Variants in RFX1 observed in about 807,000 individuals in gnomAD.
The protein encoded by RFX1 is MHC class II regulatory factor RFX1.
Under a neutral mutation model 119.6 loss-of-function variants are expected in RFX1, and 42 were observed. That is an observed-to-expected ratio of 0.35 (90% CI 0.27 to 0.45). The LOEUF is 0.45. Ranked by LOEUF, RFX1 falls within the 20% of genes least tolerant of loss-of-function variation. The pLI is 1.00. For synonymous variants in RFX1, 628 were observed against 618.5 expected, an observed-to-expected ratio of 1.02 and a Z score of -0.23; for missense variants, 1,118 against 1,368.1, an observed-to-expected ratio of 0.82 and a Z score of 2.88.
At chr19:13,998,842 C>A (rs1041512406) in intron 1 of RFX1, among the ~76,000 whole-genome samples, 3 of 152,164 alleles carry the variant, frequency 2.0e-5, no homozygotes, top group Admixed American at 6.5e-5. Context: ...GTGGCCCCTC[C>A]CACAAAGAAA....
Position 13,979,548 on chromosome 19 carries a change from A to G in RFX1, c.739-6T>C. ...GTGGCCTGGACCACAGATCTCTGGG[A>G]GGGGAAAGGCAACAATAAGATGACC... is the stretch of plus-strand genomic sequence containing the variant. On this transcript the variant is annotated splice_region_variant and splice_polypyrimidine_tract_variant and intron_variant, in intron 6 of 20. Transcript: ENST00000254325. 1 of 1,578,672 alleles carries G rather than the reference A, an allele frequency of 6.3e-7. No individual in the cohort carries two copies. Among genetic ancestry groups the G allele is most frequent in the Non-Finnish European group, 8.6e-7 (1 of 1,159,798 alleles).
At chr19:14,003,735 G>C (rs1975288769) in intron 1 of RFX1, among the ~76,000 whole-genome samples, 1 of 152,108 alleles carries the variant, frequency 6.6e-6, no homozygotes, top group South Asian at 2.1e-4. Flanking sequence ...GAAAACTTAA[G>C]TAACTCACCT....
intron 1 of RFX1, among the ~76,000 whole-genome samples, chr19:13,997,850 G>A (rs1321235277): frequency 6.6e-6 from 1 of 152,112 alleles, no homozygotes; most frequent in Non-Finnish European, 1.5e-5. Context: ...AGGGACTCGG[G>A]CAGCAGAGAA....
intron 12 of RFX1, among the ~76,000 whole-genome samples, chr19:13,967,432 C>T (rs956608706): frequency 3.9e-5 from 6 of 152,048 alleles, no homozygotes; most frequent in Non-Finnish European, 7.4e-5. Flanking sequence ...CCACCTCGGC[C>T]TCCCAACGTG....
At chr19:13,992,176 C>T (rs1044750405) in intron 2 of RFX1, among the ~76,000 whole-genome samples, 4 of 152,132 alleles carry the variant, frequency 2.6e-5, no homozygotes, top group Non-Finnish European at 5.9e-5. Flanking sequence ...CAGTGGCAGG[C>T]GCCTGTAGTC....
Position 13,990,406 on chromosome 19 carries a change from C to T in RFX1, c.319+3119G>A, listed in dbSNP as rs533202017. 6.6e-5 allele frequency among the ~76,000 whole-genome samples: 10 copies of T among 152,076 alleles called. No homozygotes were observed. In the East Asian group the frequency reaches 1.7e-3, roughly 27 times the overall value. On this transcript the variant is annotated intron_variant, in intron 2 of 20. Coordinates refer to ENST00000254325, the MANE Select transcript of RFX1 (RefSeq NM_002918.5). The surrounding 1 kb of genome is among the most constrained non-coding windows in gnomAD (Gnocchi z 4.1). ...TGGAGAAAATGGGGGCTTGGCTGGGCGCGGTGGCTCACACTTGTAATTCCA... is the reference window on the plus strand; with the variant it reads ...TGGAGAAAATGGGGGCTTGGCTGGGTGCGGTGGCTCACACTTGTAATTCCA...
intron 8 of RFX1, among the ~76,000 whole-genome samples, chr19:13,974,578 C>T (rs1030595602): frequency 2.0e-5 from 3 of 152,042 alleles, no homozygotes; most frequent in Admixed American, 1.3e-4. Context: ...GAGTGGGGAC[C>T]GTGTGACCGA....
At chr19:13,987,127 G>A (rs757325417) in intron 2 of RFX1, among the ~76,000 whole-genome samples, 10 of 152,206 alleles carry the variant, frequency 6.6e-5, no homozygotes, top group Non-Finnish European at 1.3e-4. Flanking sequence ...AAGAAGGGCC[G>A]GACTCGGCCC....
chr19:13,963,095 G>A (rs1973764427), intron 19 of RFX1, 27 bp downstream of exon 19: 1 of 1,608,602 alleles, frequency 6.2e-7, no homozygotes, highest in East Asian at 2.2e-5. Context: ...CGCCCCGCCC[G>A]CGCCCCCAGT....
intron 1 of RFX1, among the ~76,000 whole-genome samples, chr19:14,005,808 C>T (rs902278535): frequency 1.3e-5 from 2 of 151,944 alleles, no homozygotes; most frequent in Non-Finnish European, 2.9e-5. Flanking sequence ...CCCAGCCTCC[C>T]CAGGCCCGCC....
Position 13,980,948 on chromosome 19 carries a change from G to T in RFX1, c.622-259C>A, listed in dbSNP as rs758618884. ...AGGTTGGCTGATGGTGGGTGGTGCCGCCAGCACCCCTGAAGCTCTCCTGGG... is the reference window on the plus strand; with the variant it reads ...AGGTTGGCTGATGGTGGGTGGTGCCTCCAGCACCCCTGAAGCTCTCCTGGG... On this transcript the variant is annotated intron_variant, in intron 5 of 20. Coordinates refer to ENST00000254325, the MANE Select transcript of RFX1 (RefSeq NM_002918.5). This position sits in a 1 kb window ranked among gnomAD's most constrained non-coding sequence, Gnocchi z 5.1. Among the ~76,000 whole-genome samples, 7 of 152,196 alleles carry T rather than the reference G, an allele frequency of 4.6e-5. No individual in the cohort carries two copies. The highest frequency in any genetic ancestry group is 1.0e-4 in the Non-Finnish European group (7 of 68,028).
chr19:13,994,146 C>T (rs577145166), intron 1 of RFX1, among the ~76,000 whole-genome samples: 1 of 152,122 alleles, frequency 6.6e-6, no homozygotes, highest in African/African-American at 2.4e-5. Flanking sequence ...CAAGCCAGGA[C>T]TCCTGCCTTC....
At chr19:13,973,256 A>G (rs1032274943) in intron 8 of RFX1, 129 bp from the exon 9 acceptor site, 24 of 693,864 alleles carry the variant, frequency 3.5e-5, no homozygotes, top group Admixed American at 1.6e-4. Flanking sequence ...AGCAAGGAGC[A>G]GATCCTAGCA....
At chr19:14,004,862 T>C (rs1457661785) in intron 1 of RFX1, among the ~76,000 whole-genome samples, 1 of 152,164 alleles carries the variant, frequency 6.6e-6, no homozygotes, top group African/African-American at 2.4e-5. Flanking sequence ...CTCCCCGAGC[T>C]GGCAGGATAT....
rs73517690 is a variant in RFX1 at position 13,983,643 on chromosome 19, C to T, written c.320-48G>A. ...CAGTTCTTCCTGCTTTCCCTGCCCC[C>T]AGCCTAAGCCTGAGCCCCCCTGGAG... is the stretch of plus-strand genomic sequence containing the variant. On this transcript the variant is annotated intron_variant, in intron 2 of 20. Transcript: ENST00000254325. 443 of 1,471,150 alleles carry T rather than the reference C, an allele frequency of 3.0e-4. No homozygotes were observed. The African/African-American group carries it at 5.3e-3, about 18-fold the overall frequency. The allele number at this position is 1,471,150 out of a possible 1,614,324, so 91.1% of individuals were successfully genotyped here.
Position 13,980,542 on chromosome 19 carries a change from G to A in RFX1, c.738+31C>T, listed in dbSNP as rs1974395308. Reference sequence around the variant, plus strand: ...AGAGGCTGCCTGGCCGGTACCCCTGGACCGAGCCACTGCCCGCCTTGGCCT... The same window carrying A: ...AGAGGCTGCCTGGCCGGTACCCCTGAACCGAGCCACTGCCCGCCTTGGCCT... On this transcript the variant is annotated intron_variant, in intron 6 of 20. Transcript: ENST00000254325. The surrounding 1 kb of genome is among the most constrained non-coding windows in gnomAD (Gnocchi z 5.1). 1 of 1,418,546 alleles carries A rather than the reference G, an allele frequency of 7.0e-7. No individual in the cohort carries two copies. Among genetic ancestry groups the A allele is most frequent in the Non-Finnish European group, 9.6e-7 (1 of 1,038,686 alleles). 87.9% of individuals were successfully genotyped at this position (1,418,546 alleles called of 1,614,324 possible).
chr19:13,987,459 C>T (rs1419602776), intron 2 of RFX1, among the ~76,000 whole-genome samples: 4 of 152,172 alleles, frequency 2.6e-5, no homozygotes, highest in African/African-American at 9.6e-5. Context: ...CTGCCACCTC[C>T]CTGGGTCCCT....
At chr19:13,988,991 G>A (rs977307558) in intron 2 of RFX1, among the ~76,000 whole-genome samples, 4 of 152,120 alleles carry the variant, frequency 2.6e-5, no homozygotes, top group Admixed American at 6.5e-5. Context: ...CACTGCATCC[G>A]GCCTGGGTGA....
Position 13,972,823 on chromosome 19 carries a change from T to G in RFX1, c.1234A>C (p.Thr412Pro). The G allele has an allele frequency of 6.2e-7, 1 of 1,603,350 alleles. No homozygotes were observed. The highest frequency in any genetic ancestry group is 8.5e-7 in the Non-Finnish European group (1 of 1,176,268). The change falls in exon 9 of 21, where the codon ACC becomes CCC. Residue 412 changes from threonine (T) to proline (P), a missense_variant. By Grantham distance (38) the Thr-to-Pro change is conservative (BLOSUM62 -1). Around this residue, in one of 5 missense-constraint regions of RFX1, gnomAD observed 542 missense variants for 602.7 expected, o/e 0.90. Transcript: ENST00000254325. ...STGGGGSGAG[T>P]YVIQGGYMLG... ...ATGTAGCCGCCTTGGATCACGTAGGTGCCTGCTCCGCTGCCGCCGCCTCCG... is the reference window on the plus strand; with the variant it reads ...ATGTAGCCGCCTTGGATCACGTAGGGGCCTGCTCCGCTGCCGCCGCCTCCG...
Sources: allele counts gnomAD v4.1 joint callset (sites outside exome capture counted in the v4.1 genomes callset), GRCh38; gene constraint gnomAD v4.1.1; regional missense constraint gnomAD v4.1.1; non-coding constraint Gnocchi (gnomAD v3.1); transcripts MANE v1.5; gene names NCBI Gene and HGNC (gene_info 2026-07-23, HGNC 2026-07-21).